Variants in IARS1 observed in about 807,000 individuals in gnomAD.
The protein encoded by IARS1 is isoleucyl-tRNA synthetase 1.
In IARS1, 124 loss-of-function variants were observed where a neutral mutation model predicts 168.2. The ratio of observed to expected loss-of-function variants is 0.74; its 90% CI spans 0.64 to 0.86. IARS1 has a LOEUF of 0.86. Ranked by LOEUF, IARS1 falls within the 40% of genes least tolerant of loss-of-function variation. IARS1 has a pLI of 0.00. For missense variants in IARS1, 1,452 were observed against 1,515.8 expected (o/e 0.96, Z 0.70); for synonymous variants, 532 against 529.4 (o/e 1.00, Z -0.07).
chr9:92,282,613 T>A (rs1834785997), intron 6 of IARS1, among the ~76,000 whole-genome samples: 1 of 151,954 alleles, frequency 6.6e-6, no homozygotes, highest in Non-Finnish European at 1.5e-5. Context: ...TCTACAAAGA[T>A]AAAAAAATTT....
intron 2 of IARS1, 70 bp from the exon 3 acceptor site, chr9:92,288,352 G>A: frequency 7.5e-7 from 1 of 1,329,164 alleles, no homozygotes; most frequent in Non-Finnish European, 1.1e-6. Flanking sequence ...TCTATAGATA[G>A]CTCTTGTCAT....
At chr9:92,241,680 C>T (rs575636732) in intron 29 of IARS1, among the ~76,000 whole-genome samples, 2 of 152,276 alleles carry the variant, frequency 1.3e-5, no homozygotes, top group Admixed American at 1.3e-4. Context: ...AATATCTTCC[C>T]TACCTTAATA....
chr9:92,260,950 T>A (rs12349712), intron 17 of IARS1, among the ~76,000 whole-genome samples: 2,166 of 152,312 alleles, frequency 0.014, 18 homozygotes, highest in South Asian at 0.025. Flanking sequence ...ATGCTATTTA[T>A]CCATGGAAAG....
intron 31 of IARS1, among the ~76,000 whole-genome samples, chr9:92,225,173 C>A (rs1400696164): frequency 6.6e-6 from 1 of 152,226 alleles, no homozygotes; most frequent in Non-Finnish European, 1.5e-5. Flanking sequence ...CTGGAACACA[C>A]ACTCCTTTTG....
chr9:92,229,149 C>G, intron 30 of IARS1, 23 bp from the exon 31 acceptor site: 2 of 1,604,762 alleles, frequency 1.2e-6, no homozygotes, highest in South Asian at 1.1e-5. Context: ...AAAAATAACA[C>G]CTCAATCAGA....
chr9:92,217,597 C>T (rs1277994401), intron 33 of IARS1, among the ~76,000 whole-genome samples: 1 of 150,896 alleles, frequency 6.6e-6, no homozygotes, highest in Non-Finnish European at 1.5e-5. Context: ...GGGATATCAC[C>T]ACCGATCCCA....
intron 20 of IARS1, among the ~76,000 whole-genome samples, chr9:92,254,253 G>A (rs1204117472): frequency 6.6e-6 from 1 of 152,166 alleles, no homozygotes; most frequent in Non-Finnish European, 1.5e-5. Context: ...AGATCAAGTA[G>A]GAAAGAAAGG....
chr9:92,289,915 T>A (rs1412979280), intron 1 of IARS1, among the ~76,000 whole-genome samples: 1 of 152,230 alleles, frequency 6.6e-6, no homozygotes, highest in Non-Finnish European at 1.5e-5. Context: ...TGAATAGTAT[T>A]CCATTTCATG....
At position 92,240,654 on chromosome 9, in the gene IARS1, A is replaced by G. The variant is rs1042761333; in HGVS notation, c.3283+202T>C. 6 of 716,930 alleles carry G rather than the reference A, an allele frequency of 8.4e-6. No individual in the cohort carries two copies. In the African/African-American group the frequency reaches 1.1e-4, roughly 13 times the overall value. The allele number at this position is 716,930 out of a possible 1,614,324, so 44.4% of individuals were successfully genotyped here. A position where few individuals can be genotyped will look rare whatever the true frequency, so the allele number is the denominator to read the frequency against. On this transcript the variant is annotated intron_variant, in intron 30 of 33. Coordinates refer to ENST00000443024, the MANE Select transcript of IARS1 (RefSeq NM_002161.6). ...AGCAATCCTCTCACCTTGGCTTCCA[A>G]AAGTGGTAGATTTCAGGAATGATCC...
intron 33 of IARS1, among the ~76,000 whole-genome samples, chr9:92,212,444 G>A (rs1564150865): frequency 6.6e-6 from 1 of 152,156 alleles, no homozygotes; most frequent in Non-Finnish European, 1.5e-5. Context: ...AGAGAATACA[G>A]AAAGGCAGCA....
chr9:92,286,712 T>C (rs371536639), intron 4 of IARS1, 94 bp from the exon 5 acceptor site: 10 of 705,424 alleles, frequency 1.4e-5, no homozygotes, highest in East Asian at 8.5e-5. Context: ...CAAATGAAAA[T>C]TTTGGGAAAA....
At chr9:92,219,259 T>C (rs952149476) in intron 33 of IARS1, among the ~76,000 whole-genome samples, 5 of 152,150 alleles carry the variant, frequency 3.3e-5, no homozygotes, top group Non-Finnish European at 5.9e-5. Flanking sequence ...TTACACCTTA[T>C]ACAAAAATCA....
intron 25 of IARS1, among the ~76,000 whole-genome samples, chr9:92,248,579 G>T (rs1167857919): frequency 6.7e-6 from 1 of 149,226 alleles, no homozygotes; most frequent in Non-Finnish European, 1.5e-5. Flanking sequence ...CCCGAGCCCA[G>T]GAGATGGAGG....
chr9:92,262,943 C>G, intron 17 of IARS1, 26 bp downstream of exon 17: 1 of 1,549,190 alleles, frequency 6.5e-7, no homozygotes, highest in Non-Finnish European at 8.9e-7. Context: ...AAAGTTCCAC[C>G]CGTCACTACA....
Position 92,240,965 on chromosome 9 carries a change from A to T in IARS1, c.3178-4T>A. 6.4e-7 allele frequency: 1 copy of T among 1,573,310 alleles called. No homozygotes were observed. The highest frequency in any genetic ancestry group is 8.7e-7 in the Non-Finnish European group (1 of 1,143,220). On this transcript the variant is annotated splice_polypyrimidine_tract_variant and splice_region_variant and intron_variant, in intron 29 of 33. Coordinates refer to ENST00000443024, the MANE Select transcript of IARS1 (RefSeq NM_002161.6). ...TTTCCAGTTCAGATCCCTTCAACTGAGCACATGAGAACGTATGACTGAGTA... is the reference window on the plus strand; with the variant it reads ...TTTCCAGTTCAGATCCCTTCAACTGTGCACATGAGAACGTATGACTGAGTA...
intron 4 of IARS1, among the ~76,000 whole-genome samples, chr9:92,286,948 CA>C (rs888690021): frequency 1.3e-5 from 2 of 151,398 alleles, no homozygotes; most frequent in African/African-American, 4.9e-5. Flanking sequence ...GAATGTATGA[CA>C]AAAAAAAGAA....
Position 92,210,636 on chromosome 9 carries a change from T to C in IARS1, c.*171A>G. ...TAAGTGTGAAGATTACTGTGAGGTC[T>C]CAAGTTACTTGACTAATCAATCCCA... On this transcript the variant is annotated 3_prime_UTR_variant, in exon 34 of 34. Transcript: ENST00000443024. The C allele has an allele frequency of 1.8e-6, 1 of 560,604 alleles. No individual in the cohort carries two copies. The highest frequency in any genetic ancestry group is 2.7e-4 in the Middle Eastern group (1 of 3,646). The allele number at this position is 560,604 out of a possible 1,614,324, so 34.7% of individuals were successfully genotyped here. A position where few individuals can be genotyped will look rare whatever the true frequency, so the allele number is the denominator to read the frequency against.
chr9:92,284,655 A>C (rs1835155828), intron 6 of IARS1, among the ~76,000 whole-genome samples: 1 of 152,126 alleles, frequency 6.6e-6, no homozygotes, highest in Admixed American at 6.5e-5. Flanking sequence ...CTGTAAACCC[A>C]GCTACTCCAG....
chr9:92,286,415 A>G, intron 5 of IARS1, 121 bp downstream of exon 5: 1 of 611,018 alleles, frequency 1.6e-6, no homozygotes, highest in Non-Finnish European at 2.9e-6. Context: ...CCTGTTCCCA[A>G]AGATTTTCAG....
Sources: allele counts gnomAD v4.1 joint callset (sites outside exome capture counted in the v4.1 genomes callset), GRCh38; gene constraint gnomAD v4.1.1; transcripts MANE v1.5; gene names NCBI Gene and HGNC (gene_info 2026-07-23, HGNC 2026-07-21).